IMMT: variants seen among roughly 807,000 people sequenced by gnomAD.
IMMT encodes the protein inner membrane mitochondrial protein.
IMMT carries 40 observed loss-of-function variants against 92.7 expected under a neutral mutation model. The observed-to-expected ratio is 0.43, with a 90% confidence interval of 0.34 to 0.56. The LOEUF (loss-of-function observed/expected upper bound fraction) is 0.56. IMMT is among the 20% of genes least tolerant of loss of function. IMMT has a pLI of 0.03. For missense variants in IMMT, 831 were observed against 912.1 expected, an observed-to-expected ratio of 0.91 and a Z score of 1.14; for synonymous variants, 322 against 336.1, an observed-to-expected ratio of 0.96 and a Z score of 0.46.
chr2:86,150,402 G>C (rs1272920892), intron 12 of IMMT, among the ~76,000 whole-genome samples: 1 of 152,196 alleles, frequency 6.6e-6, no homozygotes, highest in Non-Finnish European at 1.5e-5. Context: ...CAGAAAAGGA[G>C]GTTAAGGAGT....
chr2:86,161,390 G>T (rs1488616201), intron 8 of IMMT, among the ~76,000 whole-genome samples: 1 of 151,640 alleles, frequency 6.6e-6, no homozygotes, highest in Non-Finnish European at 1.5e-5. Flanking sequence ...CAAACTCTTG[G>T]TCTCAAGTGA....
chr2:86,180,593 T>C (rs111294037), intron 2 of IMMT, among the ~76,000 whole-genome samples: 4,593 of 151,510 alleles, frequency 0.03, 213 homozygotes, highest in African/African-American at 0.1. Flanking sequence ...TTACAAAAGA[T>C]AATAAAATAC....
Position 86,183,464 on chromosome 2 carries a change from T to G in IMMT, c.46-2092A>C, listed in dbSNP as rs572618838. On this transcript the variant is annotated intron_variant, in intron 1 of 14. Transcript: ENST00000410111. ...AGCATCAGTATTTTTAAATGTTTCT[T>G]TATCTACCTTCTATTTTCTTTTATC... 1.5e-3 allele frequency among the ~76,000 whole-genome samples: 236 copies of G among 152,270 alleles called. 4 individuals carry two copies. The highest frequency in any genetic ancestry group is 5.4e-3 in the African/African-American group (226 of 41,564).
chr2:86,159,937 C>CT (rs3835960), intron 8 of IMMT: 1,079 of 238,338 alleles, frequency 4.5e-3, no homozygotes, highest in South Asian at 7.8e-3. Context: ...AATGTAATTG[C>CT]TTTTTTTTTT....
rs1352536678 is a variant in IMMT, at chr2:86,149,201, A to C, written c.1402-1368T>G. 2.6e-5 allele frequency among the ~76,000 whole-genome samples: 4 copies of C among 152,222 alleles called. No individual in the cohort carries two copies. In the South Asian group the frequency reaches 8.3e-4, roughly 32 times the overall value. On this transcript the variant is annotated intron_variant, in intron 12 of 14. Coordinates refer to ENST00000410111, the MANE Select transcript of IMMT (RefSeq NM_006839.3). ...GATAGGAAATCTCAGTCTTGCTAAC[A>C]AAGTGACATCTAGGCTTAAAACTTA...
chr2:86,186,661 C>G (rs1043117286), intron 1 of IMMT, among the ~76,000 whole-genome samples: 2 of 152,334 alleles, frequency 1.3e-5, no homozygotes, highest in South Asian at 4.1e-4. Context: ...CCAGTATTTA[C>G]TGCCACACAT....
intron 2 of IMMT, among the ~76,000 whole-genome samples, chr2:86,180,778 A>G (rs2105421584): frequency 6.6e-6 from 1 of 151,760 alleles, no homozygotes; most frequent in East Asian, 2.0e-4. Flanking sequence ...TCCCAGCTAC[A>G]GGGGAGGCTG....
intron 1 of IMMT, among the ~76,000 whole-genome samples, chr2:86,186,724 A>C (rs964782926): frequency 4.6e-5 from 7 of 152,228 alleles, no homozygotes; most frequent in Non-Finnish European, 1.0e-4. Flanking sequence ...ATCTGACTGC[A>C]ACTTCATGAG....
At chr2:86,145,347 T>C (rs747250966) in intron 14 of IMMT, among the ~76,000 whole-genome samples, 2 of 151,712 alleles carry the variant, frequency 1.3e-5, no homozygotes, top group Non-Finnish European at 2.9e-5. Context: ...ATACAAAACC[T>C]AGCCAGGCGT....
intron 3 of IMMT, 119 bp downstream of exon 3, chr2:86,179,314 C>T (rs1677671671): frequency 6.6e-6 from 5 of 762,366 alleles, no homozygotes; most frequent in East Asian, 5.6e-5. Flanking sequence ...TTTGTATCCA[C>T]AGGAGGTCCT....
Position 86,151,532 on chromosome 2 carries a change from A to G in IMMT, c.1178-12T>C, listed in dbSNP as rs1482189655. 1.3e-6 allele frequency: 2 copies of G among 1,578,898 alleles called. No homozygotes were observed. Among genetic ancestry groups the G allele is most frequent in the Non-Finnish European group, 1.7e-6 (2 of 1,148,048 alleles). On this transcript the variant is annotated splice_polypyrimidine_tract_variant and intron_variant, in intron 11 of 14. Transcript: ENST00000410111. The stretch of plus-strand genomic sequence containing the variant: ...AGAGAGCTTGTCAGCTAAGCAAAAG[A>G]GCATGTTAAAATATTAATGATGTCA...
intron 6 of IMMT, among the ~76,000 whole-genome samples, chr2:86,167,826 T>C (rs1418798196): frequency 6.6e-6 from 1 of 151,536 alleles, no homozygotes; most frequent in African/African-American, 2.4e-5. Flanking sequence ...AAATAAAAAG[T>C]GTTTTTTTTT....
intron 6 of IMMT, among the ~76,000 whole-genome samples, 160 bp from the exon 7 acceptor site, chr2:86,166,804 A>C (rs1676708294): frequency 6.6e-6 from 1 of 152,256 alleles, no homozygotes; most frequent in Middle Eastern, 3.4e-3. Flanking sequence ...AGTTTCACTT[A>C]AAAGTATGGT....
chr2:86,175,216 TGAG>T (rs1277167474), intron 3 of IMMT, among the ~76,000 whole-genome samples: 1 of 152,176 alleles, frequency 6.6e-6, no homozygotes, highest in Non-Finnish European at 1.5e-5. Flanking sequence ...AAAATGTTCT[TGAG>T]TAGTCTTGTA....
Position 86,170,809 on chromosome 2 carries a change from G to A in IMMT, c.595C>T (p.Pro199Ser), listed in dbSNP as rs1677033710. 3.1e-6 allele frequency: 5 copies of A among 1,589,414 alleles called. No individual in the cohort carries two copies. The South Asian group carries it at 3.4e-5, about 11-fold the overall frequency. ...GCAAGGCGAGCTGCAACTTCTTCAG[G>A]TGGTCGCTCCCTTATAGAAGATGAG... ...ASSSSIRERP[P>S]EEVAARLAQQ... The change falls in exon 6 of 15, where the codon CCT becomes TCT. Residue 199 changes from proline (P) to serine (S), a missense_variant. Pro to Ser is a moderately conservative substitution (Grantham distance 74). Transcript: ENST00000410111.
intron 8 of IMMT, 141 bp downstream of exon 8, chr2:86,161,835 T>C: frequency 1.6e-6 from 1 of 631,158 alleles, no homozygotes; most frequent in Middle Eastern, 4.6e-4. Flanking sequence ...CTAATGCCAA[T>C]TCAGAACAAG....
chr2:86,172,961 T>C (rs6707029), intron 4 of IMMT, among the ~76,000 whole-genome samples: 69,570 of 151,768 alleles, frequency 0.46, 16,454 homozygotes, highest in Non-Finnish European at 0.51. Context: ...CTTGTTTATT[T>C]CCTCTCCGCA....
Position 86,162,053 on chromosome 2 carries a change from C to T in IMMT, c.819G>A (p.Gln273=), listed in dbSNP as rs1175207486. 14 of 1,600,714 alleles carry T rather than the reference C, an allele frequency of 8.7e-6. No individual in the cohort carries two copies. The Admixed American group carries it at 1.7e-4, about 20-fold the overall frequency. Residue 273 remains glutamine, a synonymous_variant, in exon 8 of 15, where the codon CAG becomes CAA. Transcript: ENST00000410111. ...SEIAGEKKSA[Q]WRTVEGALKE... ...TCAATGCACCCTCCACTGTGCGCCA[C>T]TGAGCAGATTTCTTCTCGCCTGCAA... is the stretch of plus-strand genomic sequence containing the variant.
At chr2:86,178,070 C>T (rs540760497) in intron 3 of IMMT, among the ~76,000 whole-genome samples, 3 of 152,240 alleles carry the variant, frequency 2.0e-5, no homozygotes, top group East Asian at 3.9e-4. Flanking sequence ...AATCCCAGCA[C>T]TTTGGGAGGC....
Sources: gnomAD v4.1 joint callset for allele counts (sites outside exome capture counted in the v4.1 genomes callset) on GRCh38, gnomAD v4.1.1 for gene constraint, MANE v1.5 for transcripts, NCBI Gene and HGNC (gene_info 2026-07-23, HGNC 2026-07-21) for gene names.